TENM3: variants seen among roughly 807,000 people sequenced by gnomAD.
The protein encoded by TENM3 is teneurin transmembrane protein 3.
A neutral mutation model predicts 255.1 loss-of-function variants in TENM3; 63 were observed. That is an observed-to-expected ratio of 0.25 (90% CI 0.20 to 0.30). The LOEUF is 0.30. Ranked by LOEUF, TENM3 falls within the 10% of genes least tolerant of loss-of-function variation. TENM3 has a pLI of 1.00. For synonymous variants in TENM3, 1,306 were observed against 1,322.3 expected (o/e 0.99, Z 0.27); for missense variants, 2,929 against 3,461.1 (o/e 0.85, Z 3.86).
the TENM3 span, among the ~76,000 whole-genome samples, chr4:181,813,778 T>C: frequency 6.6e-6 from 1 of 152,178 alleles, no homozygotes; most frequent in African/African-American, 2.4e-5. Flanking sequence ...AAAGTATTCC[T>C]CTGAGTCTCA....
chr4:182,362,903 T>C (rs1236537188), intron 3 of TENM3, among the ~76,000 whole-genome samples: 2 of 152,230 alleles, frequency 1.3e-5, no homozygotes, highest in East Asian at 3.8e-4. Flanking sequence ...AAGGTACTTT[T>C]CATCTCACAA....
intron 12 of TENM3, among the ~76,000 whole-genome samples, chr4:182,697,286 C>T (rs560099150): frequency 1.3e-5 from 2 of 152,268 alleles, no homozygotes; most frequent in South Asian, 4.2e-4. Flanking sequence ...CCCTCTGCCT[C>T]CTGGCACATG....
chr4:182,112,153 T>G, the TENM3 span, among the ~76,000 whole-genome samples: 8 of 152,238 alleles, frequency 5.3e-5, no homozygotes, highest in South Asian at 1.7e-3. Flanking sequence ...AAATCCTCTC[T>G]CTAAAAAATA....
In TENM3 at chr4:182,783,710, G is replaced by A. The variant is rs1054866726; in HGVS notation, c.5305-5383G>A. Among the ~76,000 whole-genome samples the A allele has an allele frequency of 5.5e-5, 8 of 144,282 alleles. No individual in the cohort carries two copies. The East Asian group carries it at 5.8e-4, about 10-fold the overall frequency. 94.7% of individuals were successfully genotyped at this position (144,282 alleles called of 152,430 possible). A position where few individuals can be genotyped will look rare whatever the true frequency, so the allele number is the denominator to read the frequency against. On this transcript the variant is annotated intron_variant, in intron 24 of 27. Coordinates refer to ENST00000511685, the MANE Select transcript of TENM3 (RefSeq NM_001080477.4). ...AGGTACACCAATCAGACGTAGATAC[G>A]GTCTTTTCACATAGTCCCATGTTTC... is the stretch of plus-strand genomic sequence containing the variant.
chr4:181,530,007 A>C, the TENM3 span, among the ~76,000 whole-genome samples: 1 of 152,236 alleles, frequency 6.6e-6, no homozygotes, highest in South Asian at 2.1e-4. Context: ...TTTGGAAATC[A>C]TAAAGTTTGG....
intron 3 of TENM3, among the ~76,000 whole-genome samples, chr4:182,468,970 GAGTT>G (rs1259995397): frequency 6.6e-6 from 1 of 151,744 alleles, no homozygotes; most frequent in Non-Finnish European, 1.5e-5. Flanking sequence ...CAGTTACTCT[GAGTT>G]AAAGAAAAAA....
chr4:181,792,256 CG>C, the TENM3 span, among the ~76,000 whole-genome samples: 4 of 152,240 alleles, frequency 2.6e-5, no homozygotes, highest in African/African-American at 9.6e-5. Flanking sequence ...AAAAATATCT[CG>C]ACTGCTTGTA....
chr4:181,468,130 T>TTCCAAAAA, the TENM3 span, among the ~76,000 whole-genome samples: 2 of 19,656 alleles, frequency 1.0e-4, no homozygotes, highest in African/African-American at 3.4e-4. Context: ...ACCCCATCTG[T>TTCCAAAAA]ACAAAAAAAA....
At chr4:182,228,283 A>C (rs543550242) in intron 1 of TENM3, among the ~76,000 whole-genome samples, 1 of 151,838 alleles carries the variant, frequency 6.6e-6, no homozygotes, top group East Asian at 1.9e-4. Context: ...TAGCTTCTCT[A>C]TAGTAACCAT....
chr4:181,807,432 C>T, the TENM3 span, among the ~76,000 whole-genome samples: 1 of 152,220 alleles, frequency 6.6e-6, no homozygotes, highest in Non-Finnish European at 1.5e-5. Flanking sequence ...CCGCTCACCG[C>T]AACCTCCGCC....
chr4:182,518,634 A>T (rs1244900292), intron 3 of TENM3, among the ~76,000 whole-genome samples: 2 of 152,176 alleles, frequency 1.3e-5, no homozygotes, highest in African/African-American at 4.8e-5. Flanking sequence ...AACGACCTGG[A>T]TGAATTGCAA....
the TENM3 span, among the ~76,000 whole-genome samples, chr4:182,035,644 C>T: frequency 6.6e-6 from 1 of 152,164 alleles, no homozygotes; most frequent in African/African-American, 2.4e-5. Context: ...GTTTTAGATG[C>T]TCATTGGCAA....
chr4:181,989,486 C>A, the TENM3 span, among the ~76,000 whole-genome samples: 1 of 152,122 alleles, frequency 6.6e-6, no homozygotes, highest in Non-Finnish European at 1.5e-5. Flanking sequence ...TTTAACATAT[C>A]TGTAAAAGTA....
intron 3 of TENM3, among the ~76,000 whole-genome samples, chr4:182,421,522 A>T (rs895647173): frequency 1.3e-5 from 2 of 152,156 alleles, no homozygotes; most frequent in African/African-American, 4.8e-5. Flanking sequence ...GCATTTCCCA[A>T]AGAATCCAGA....
At chr4:182,487,963 A>G (rs1307187005) in intron 3 of TENM3, among the ~76,000 whole-genome samples, 1 of 152,206 alleles carries the variant, frequency 6.6e-6, no homozygotes, top group African/African-American at 2.4e-5. Flanking sequence ...GAAGTTATGT[A>G]TGGCAATAAT....
At chr4:181,758,967 C>T in the TENM3 span, among the ~76,000 whole-genome samples, 1 of 152,158 alleles carries the variant, frequency 6.6e-6, no homozygotes, top group African/African-American at 2.4e-5. Flanking sequence ...GTTAAACAAA[C>T]TCATGTTTTA....
At chr4:182,163,228 C>G (rs1192203373) in intron 1 of TENM3, among the ~76,000 whole-genome samples, 1 of 152,158 alleles carries the variant, frequency 6.6e-6, no homozygotes, top group African/African-American at 2.4e-5. Context: ...AACTGGGCCT[C>G]CTGCCACCCG....
chr4:182,485,630 A>T (rs1734623944), intron 3 of TENM3, among the ~76,000 whole-genome samples: 1 of 145,294 alleles, frequency 6.9e-6, no homozygotes, highest in African/African-American at 2.5e-5. Context: ...ATAGAAGCAA[A>T]AAAGTGTGAT....
At chr4:182,729,510 CT>C (rs35672153) in intron 14 of TENM3, among the ~76,000 whole-genome samples, 282 of 145,026 alleles carry the variant, frequency 1.9e-3, no homozygotes, top group Middle Eastern at 3.6e-3. Flanking sequence ...CAGAAGTGCA[CT>C]TTTTTTTTTT....
Sources: gnomAD v4.1 joint callset for allele counts (sites outside exome capture counted in the v4.1 genomes callset) on GRCh38, gnomAD v4.1.1 for gene constraint, MANE v1.5 for transcripts, NCBI Gene and HGNC (gene_info 2026-07-23, HGNC 2026-07-21) for gene names.